Variants in AKAP6 observed in about 807,000 individuals in gnomAD.
AKAP6 encodes A-kinase anchor protein 6.
Under a neutral mutation model 188.5 loss-of-function variants are expected in AKAP6, and 58 were observed. The ratio of observed to expected loss-of-function variants is 0.31; its 90% CI spans 0.25 to 0.38. The LOEUF (loss-of-function observed/expected upper bound fraction) is 0.38, where lower values mean the gene tolerates loss of function less well. Ranked by LOEUF, AKAP6 falls within the 10% of genes least tolerant of loss-of-function variation. The pLI is 1.00. For synonymous variants in AKAP6, 989 were observed against 998.6 expected (o/e 0.99, Z 0.18); for missense variants, 2,710 against 2,740.0 (o/e 0.99, Z 0.24).
Position 32,546,419 on chromosome 14 carries a change from A to G in AKAP6, c.1766A>G (p.Asp589Gly). 6.2e-7 allele frequency: 1 copy of G among 1,614,190 alleles called. No individual in the cohort carries two copies. The highest frequency in any genetic ancestry group is 2.2e-5 in the East Asian group (1 of 44,882). The change falls in exon 4 of 14, where the codon GAC becomes GGC. Residue 589 changes from aspartate to glycine, a missense_variant. Physicochemically the swap from Asp to Gly is moderately conservative, Grantham distance 94. Coordinates refer to ENST00000280979, the MANE Select transcript of AKAP6 (RefSeq NM_004274.5). ...AGCAGTGAATCCTCTGTTGGCTCAGACAACATCATGTCTCCGGTGCCACTT... is the reference window on the plus strand; with the variant it reads ...AGCAGTGAATCCTCTGTTGGCTCAGGCAACATCATGTCTCCGGTGCCACTT... ...TQSSESSVGSDNIMSPVPLLS... is the reference protein window; with the variant it reads ...TQSSESSVGSGNIMSPVPLLS...
intron 9 of AKAP6, among the ~76,000 whole-genome samples, chr14:32,697,118 C>G (rs952775327): frequency 6.6e-6 from 1 of 151,972 alleles, no homozygotes; most frequent in Non-Finnish European, 1.5e-5. Flanking sequence ...TAAAAGTTGC[C>G]TTCTTTCTTC....
chr14:32,826,477 C>G lies in AKAP6; in HGVS notation c.*42+1662C>G, dbSNP rs567375244. ...TTGTACTGCTGGCTCTGCCAACCTCCGCAGAAGGGCTGGTAGAGCCTGGCT... is the reference window on the plus strand; with the variant it reads ...TTGTACTGCTGGCTCTGCCAACCTCGGCAGAAGGGCTGGTAGAGCCTGGCT... On this transcript the variant is annotated intron_variant, in intron 13 of 13. Coordinates refer to ENST00000280979, the MANE Select transcript of AKAP6 (RefSeq NM_004274.5). Among the ~76,000 whole-genome samples the G allele has an allele frequency of 2.0e-5, 3 of 152,244 alleles. No homozygotes were observed. In the South Asian group the frequency reaches 6.2e-4, roughly 32 times the overall value.
intron 1 of AKAP6, among the ~76,000 whole-genome samples, chr14:32,377,309 G>A (rs1350833931): frequency 6.6e-6 from 1 of 152,142 alleles, no homozygotes; most frequent in Non-Finnish European, 1.5e-5. Context: ...CAACTGTGAG[G>A]CCTTATATGG....
intron 1 of AKAP6, among the ~76,000 whole-genome samples, chr14:32,344,990 T>G (rs1887021710): frequency 6.6e-6 from 1 of 150,718 alleles, no homozygotes; most frequent in African/African-American, 2.4e-5. Context: ...GTGTTTAGGA[T>G]GAGGCTCAGA....
At chr14:32,729,609 A>G (rs949006768) in intron 9 of AKAP6, among the ~76,000 whole-genome samples, 5 of 152,106 alleles carry the variant, frequency 3.3e-5, no homozygotes, top group African/African-American at 1.2e-4. Context: ...TAGATCATTC[A>G]CATATCTATT....
intron 1 of AKAP6, among the ~76,000 whole-genome samples, chr14:32,370,484 C>G (rs1887971120): frequency 6.6e-6 from 1 of 152,234 alleles, no homozygotes; most frequent in South Asian, 2.1e-4. Context: ...TGATTCCCTA[C>G]AAACCAGAAC....
In AKAP6 at chr14:32,484,732, G is replaced by A. The variant is rs190461643; in HGVS notation, c.325-50822G>A. ...CTGTGCCCAGGACTCCAGCTCATGC[G>A]CCGAATAGTAGGTACAGTGTTCCAA... is the stretch of plus-strand genomic sequence containing the variant. On this transcript the variant is annotated intron_variant, in intron 2 of 13. Coordinates refer to ENST00000280979, the MANE Select transcript of AKAP6 (RefSeq NM_004274.5). 1.4e-4 allele frequency: 30 copies of A among 214,920 alleles called. 8 individuals carry two copies. The Middle Eastern group carries it at 5.5e-3, about 40-fold the overall frequency. 13.3% of individuals were successfully genotyped at this position (214,920 alleles called of 1,614,324 possible). A position where few individuals can be genotyped will look rare whatever the true frequency, so the allele number is the denominator to read the frequency against.
At chr14:32,575,498 T>C (rs1566583980) in intron 4 of AKAP6, among the ~76,000 whole-genome samples, 1 of 152,152 alleles carries the variant, frequency 6.6e-6, no homozygotes, top group Non-Finnish European at 1.5e-5. Context: ...AGTCTAGGAC[T>C]GGAGGAATGT....
At chr14:32,780,088 T>A (rs1040929803) in intron 12 of AKAP6, among the ~76,000 whole-genome samples, 1 of 150,210 alleles carries the variant, frequency 6.7e-6, no homozygotes, top group African/African-American at 2.5e-5. Context: ...TCATTATTTA[T>A]CATAGCCAAG....
intron 2 of AKAP6, among the ~76,000 whole-genome samples, chr14:32,508,176 G>A (rs1248242627): frequency 6.6e-6 from 1 of 152,198 alleles, no homozygotes; most frequent in Admixed American, 6.5e-5. Context: ...TATCCTAACA[G>A]TCCTTAAGGT....
chr14:32,780,401 A>C (rs918479057), intron 12 of AKAP6, among the ~76,000 whole-genome samples: 2 of 152,136 alleles, frequency 1.3e-5, no homozygotes, highest in Non-Finnish European at 2.9e-5. Context: ...GTCAAAAGAT[A>C]TGAAGTTGGA....
intron 7 of AKAP6, among the ~76,000 whole-genome samples, chr14:32,602,873 T>A (rs1885985752): frequency 6.6e-6 from 1 of 152,200 alleles, no homozygotes; most frequent in Admixed American, 6.5e-5. Flanking sequence ...CATCACCACC[T>A]AGCATACTGC....
At chr14:32,660,937 C>A (rs1033649592) in intron 7 of AKAP6, among the ~76,000 whole-genome samples, 1 of 121,562 alleles carries the variant, frequency 8.2e-6, no homozygotes, top group Non-Finnish European at 1.7e-5. Context: ...CCCCCCCCTC[C>A]CAATTCCAGC....
At chr14:32,370,249 A>G (rs1325655696) in intron 1 of AKAP6, among the ~76,000 whole-genome samples, 2 of 152,192 alleles carry the variant, frequency 1.3e-5, no homozygotes, top group East Asian at 3.9e-4. Flanking sequence ...TGCTGTTGGA[A>G]AAGAAGCTTA....
At chr14:32,334,311 A>G (rs1566448102) in intron 1 of AKAP6, among the ~76,000 whole-genome samples, 1 of 152,170 alleles carries the variant, frequency 6.6e-6, no homozygotes, top group African/African-American at 2.4e-5. Flanking sequence ...ATCTCTCACC[A>G]TTACTGTTCT....
At chr14:32,348,778 G>C (rs1341665966) in intron 1 of AKAP6, among the ~76,000 whole-genome samples, 2 of 152,116 alleles carry the variant, frequency 1.3e-5, no homozygotes, top group Non-Finnish European at 2.9e-5. Context: ...TGCTAAACCA[G>C]GGTGCTTTTT....
intron 11 of AKAP6, among the ~76,000 whole-genome samples, chr14:32,761,597 A>G (rs2032540870): frequency 6.6e-6 from 1 of 152,152 alleles, no homozygotes; most frequent in African/African-American, 2.4e-5. Context: ...GTCCTCTCCC[A>G]TGAGTCAGGT....
rs2145591 is a variant in AKAP6 at position 32,411,803 on chromosome 14, T to C, written c.-34-21657T>C. On this transcript the variant is annotated intron_variant, in intron 1 of 13. Coordinates refer to ENST00000280979, the MANE Select transcript of AKAP6 (RefSeq NM_004274.5). ...TACCATCTCTCTTACTCTTTTTTTT[T>C]TTTTTAATTCTTTAGTGATATTTTT... Among the ~76,000 whole-genome samples the C allele has an allele frequency of 2.5e-3, 373 of 151,956 alleles. 4 individuals are homozygous for C. The highest frequency in any genetic ancestry group is 8.2e-3 in the African/African-American group (339 of 41,478).
intron 4 of AKAP6, among the ~76,000 whole-genome samples, chr14:32,549,587 C>T (rs1351088254): frequency 6.6e-6 from 1 of 152,168 alleles, no homozygotes; most frequent in Admixed American, 6.5e-5. Context: ...ATTTGTTCAC[C>T]AGGCACCCAC....
Sources: gnomAD v4.1 joint callset for allele counts (sites outside exome capture counted in the v4.1 genomes callset) on GRCh38, gnomAD v4.1.1 for gene constraint, MANE v1.5 for transcripts, NCBI Gene and HGNC (gene_info 2026-07-23, HGNC 2026-07-21) for gene names.